Variants in KIF3C observed in about 807,000 individuals in gnomAD.
The protein encoded by KIF3C is kinesin family member 3C.
A neutral mutation model predicts 67.7 loss-of-function variants in KIF3C; 12 were observed. The ratio of observed to expected loss-of-function variants is 0.18; its 90% CI spans 0.11 to 0.29. KIF3C has a LOEUF of 0.29. Among genes scored for constraint, KIF3C ranks in the 10% least tolerant of loss-of-function variants. The pLI is 1.00. For synonymous variants in KIF3C, 393 were observed against 426.2 expected, an observed-to-expected ratio of 0.92 and a Z score of 0.96; for missense variants, 789 against 1,059.6, an observed-to-expected ratio of 0.74 and a Z score of 3.55.
chr2:25,960,118 C>G (rs1663908086), intron 1 of KIF3C, among the ~76,000 whole-genome samples: 1 of 152,114 alleles, frequency 6.6e-6, no homozygotes, highest in Non-Finnish European at 1.5e-5. Context: ...TTGTAACACT[C>G]CAGAGCCAGG....
chr2:25,931,989 G>A (rs1225619294), intron 5 of KIF3C, among the ~76,000 whole-genome samples: 4 of 126,044 alleles, frequency 3.2e-5, no homozygotes, highest in Admixed American at 8.4e-5. Flanking sequence ...ATTGTGTGTT[G>A]TTTCTTCTGT....
chr2:25,951,675 C>T, intron 5 of KIF3C, 114 bp downstream of exon 5: 1 of 683,614 alleles, frequency 1.5e-6, no homozygotes, highest in African/African-American at 1.8e-5. Flanking sequence ...CCATCTTTTC[C>T]CCAATCCACA....
In KIF3C at chr2:25,981,060, CCTCTCTCCACCAGCACCACCACCA is replaced by C; in HGVS notation, c.834_857del (p.Ser278_Glu285del). The C allele has an allele frequency of 6.2e-7, 1 of 1,614,172 alleles. No individual in the cohort carries two copies. Among genetic ancestry groups the C allele is most frequent in the Non-Finnish European group, 8.5e-7 (1 of 1,180,016 alleles). On this transcript the variant is annotated inframe_deletion, in exon 1 of 8. Coordinates refer to ENST00000264712, the MANE Select transcript of KIF3C (RefSeq NM_002254.8). This position sits in a 1 kb window ranked among gnomAD's most constrained non-coding sequence, Gnocchi z 8.2. ...GGTTGATTTTGGAGGCTTCCTTAGG[CCTCTCTCCACCAGCACCACCACCA>C]CTGCCTCCACCGCCACCACCGCCAC...
At chr2:25,968,819 T>TC (rs1664206653) in intron 1 of KIF3C, among the ~76,000 whole-genome samples, 3 of 151,314 alleles carry the variant, frequency 2.0e-5, no homozygotes, top group South Asian at 2.1e-4. Context: ...CAAGGAATCA[T>TC]CTTTTTTTTT....
chr2:25,970,395 C>T (rs903949463), intron 1 of KIF3C, among the ~76,000 whole-genome samples: 1 of 152,022 alleles, frequency 6.6e-6, no homozygotes, highest in Non-Finnish European at 1.5e-5. Context: ...AGGCCGGGCG[C>T]GGTGGCTCAC....
At chr2:25,962,410 G>A (rs1057143388) in intron 1 of KIF3C, among the ~76,000 whole-genome samples, 1 of 151,346 alleles carries the variant, frequency 6.6e-6, no homozygotes, top group African/African-American at 2.4e-5. Flanking sequence ...ACGGAGTTTC[G>A]CTCTTGTTGC....
At position 25,955,642 on chromosome 2, in the gene KIF3C, G is replaced by C. The variant is rs775581378; in HGVS notation, c.1669C>G (p.Gln557Glu). ...TCGTCCCGGAGCATCATCTCCTGCT[G>C]CATCTCCCGCTCACGACGTTTCTAG... ...AEQKRREREMQQEMMLRDEET... is the reference protein window; with the variant it reads ...AEQKRREREMEQEMMLRDEET... Residue 557 changes from glutamine (Q) to glutamate (E), a missense_variant, in exon 3 of 8, where the codon CAG becomes GAG. By Grantham distance (29) the Gln-to-Glu change is conservative. This residue lies in a region of KIF3C where 648 missense variants were observed against 807.8 expected (regional missense o/e 0.80). Transcript: ENST00000264712. This position sits in a 1 kb window ranked among gnomAD's most constrained non-coding sequence, Gnocchi z 5.0. 1 of 1,614,146 alleles carries C rather than the reference G, an allele frequency of 6.2e-7. No homozygotes were observed. The highest frequency in any genetic ancestry group is 1.1e-5 in the South Asian group (1 of 91,080).
chr2:25,951,704 A>G (rs1225538155), intron 5 of KIF3C, 85 bp downstream of exon 5: 1 of 806,300 alleles, frequency 1.2e-6, no homozygotes, highest in East Asian at 2.5e-5. Flanking sequence ...GTCTCCCTGC[A>G]GGCAAGGCCT....
Position 25,958,118 on chromosome 2 carries a change from A to G in KIF3C, c.1546-1674T>C, listed in dbSNP as rs1044712654. 6.6e-6 allele frequency among the ~76,000 whole-genome samples: 1 copy of G among 151,994 alleles called. No individual in the cohort carries two copies. ...CTGGCCAGTGAGTCAAGGCCATCAA[A>G]TCTGCTCCTCAGTGCGGCTCCCACC... On this transcript the variant is annotated intron_variant, in intron 1 of 7. Transcript: ENST00000264712. This position sits in a 1 kb window ranked among gnomAD's most constrained non-coding sequence, Gnocchi z 4.5.
chr2:25,931,934 G>GTT (rs34040664), intron 5 of KIF3C, among the ~76,000 whole-genome samples: 27 of 130,186 alleles, frequency 2.1e-4, no homozygotes, highest in Non-Finnish European at 3.5e-4. Flanking sequence ...GCACCTGGCT[G>GTT]TTTTTTTTTT....
At chr2:25,966,168 C>A (rs960695437) in intron 1 of KIF3C, among the ~76,000 whole-genome samples, 1 of 151,662 alleles carries the variant, frequency 6.6e-6, no homozygotes, top group Non-Finnish European at 1.5e-5. Context: ...TGCAGAGGCA[C>A]AATCTCGGCT....
chr2:25,935,708 G>A (rs1663079223), intron 5 of KIF3C, among the ~76,000 whole-genome samples: 1 of 152,030 alleles, frequency 6.6e-6, no homozygotes, highest in South Asian at 2.1e-4. Context: ...AACCAAAATG[G>A]GGTTGGTTAA....
At chr2:25,961,309 T>A (rs1037675917) in intron 1 of KIF3C, among the ~76,000 whole-genome samples, 4 of 152,162 alleles carry the variant, frequency 2.6e-5, no homozygotes, top group Non-Finnish European at 5.9e-5. Flanking sequence ...TTTCTCTGGA[T>A]GGAAAGCACT....
At position 25,981,063 on chromosome 2, in the gene KIF3C, C is replaced by G; in HGVS notation, c.855G>C (p.Glu285Asp). 4 of 1,614,176 alleles carry G rather than the reference C, an allele frequency of 2.5e-6. No individual in the cohort carries two copies. The highest frequency in any genetic ancestry group is 3.4e-6 in the Non-Finnish European group (4 of 1,180,022). ...TGATTTTGGAGGCTTCCTTAGGCCT[C>G]TCTCCACCAGCACCACCACCACTGC... is the stretch of plus-strand genomic sequence containing the variant. ...GGGSGGGAGG[E>D]RPKEASKINL... The change falls in exon 1 of 8, where the codon GAG becomes GAC. Residue 285 changes from glutamate to aspartate, a missense_variant. Physicochemically the swap from Glu to Asp is conservative, Grantham distance 45. This residue lies in a region of KIF3C where 648 missense variants were observed against 807.8 expected (regional missense o/e 0.80). Coordinates refer to ENST00000264712, the MANE Select transcript of KIF3C (RefSeq NM_002254.8). The surrounding 1 kb of genome is among the most constrained non-coding windows in gnomAD (Gnocchi z 8.2).
intron 5 of KIF3C, among the ~76,000 whole-genome samples, chr2:25,950,956 G>T (rs1319289173): frequency 2.0e-5 from 3 of 151,840 alleles, no homozygotes; most frequent in Non-Finnish European, 4.4e-5. Flanking sequence ...AACCAAGTAG[G>T]CATCTGATGC....
At chr2:25,944,116 C>T (rs982835816) in intron 5 of KIF3C, among the ~76,000 whole-genome samples, 22 of 151,452 alleles carry the variant, frequency 1.5e-4, no homozygotes, top group African/African-American at 4.1e-4. Flanking sequence ...GGCATGATCT[C>T]GGCTCACTGC....
In KIF3C at chr2:25,929,377, A is replaced by G. The variant is rs1334424944; in HGVS notation, c.2216T>C (p.Met739Thr). ...DQEQDPRALHMERLMRLDSFL... is the reference protein window; with the variant it reads ...DQEQDPRALHTERLMRLDSFL... ...GCTGTCCAATCGCATGAGCCTCTCC[A>G]TGTGTAGCGCACGAGGGTCTTGTTC... The change falls in exon 7 of 8, where the codon ATG (methionine) becomes ACG (threonine). Residue 739 changes from methionine (M) to threonine (T), a missense_variant. By Grantham distance (81) the Met-to-Thr change is moderately conservative. Around this residue, in one of 2 missense-constraint regions of KIF3C, gnomAD observed 648 missense variants for 807.8 expected, o/e 0.80. Transcript: ENST00000264712. 1.2e-6 allele frequency: 2 copies of G among 1,614,086 alleles called. No individual in the cohort carries two copies. Among genetic ancestry groups the G allele is most frequent in the Admixed American group, 1.7e-5 (1 of 60,004 alleles).
intron 1 of KIF3C, among the ~76,000 whole-genome samples, chr2:25,961,894 G>A (rs1009340663): frequency 6.7e-6 from 1 of 149,418 alleles, no homozygotes; most frequent in Admixed American, 6.7e-5. Context: ...GTTGCAGTGA[G>A]CTGAAATCGT....
In KIF3C at chr2:25,981,776, G is replaced by C. The variant is rs755245466; in HGVS notation, c.142C>G (p.Arg48Gly). The C allele has an allele frequency of 1.2e-6, 2 of 1,613,156 alleles. No individual in the cohort carries two copies. The highest frequency in any genetic ancestry group is 1.3e-5 in the African/African-American group (1 of 75,038). ...KLGQVTLRNP[R>G]AAPGELPKTF... ...TTGGGCAGCTCCCCCGGGGCGGCGC[G>C]GGGGTTCCGCAGGGTCACCTGGCCC... The change falls in exon 1 of 8, where the codon CGC becomes GGC. Residue 48 changes from arginine (R) to glycine (G), a missense_variant. This residue lies in a region of KIF3C where 141 missense variants were observed against 251.8 expected (regional missense o/e 0.56). Transcript: ENST00000264712. The surrounding 1 kb of genome is among the most constrained non-coding windows in gnomAD (Gnocchi z 8.2).
Sources: gnomAD v4.1 joint callset for allele counts (sites outside exome capture counted in the v4.1 genomes callset) on GRCh38, gnomAD v4.1.1 for gene constraint, gnomAD v4.1.1 regional missense constraint, Gnocchi (gnomAD v3.1) non-coding constraint, MANE v1.5 for transcripts, NCBI Gene and HGNC (gene_info 2026-07-23, HGNC 2026-07-21) for gene names.